FXYD7: variants seen among roughly 807,000 people sequenced by gnomAD.
FXYD7 encodes FXYD domain-containing ion transport regulator 7.
FXYD7 carries 7 observed loss-of-function variants against 15.3 expected under a neutral mutation model. The observed-to-expected ratio is 0.46, with a 90% CI of 0.26 to 0.86. The LOEUF (loss-of-function observed/expected upper bound fraction) is 0.86. Among genes scored for constraint, FXYD7 ranks in the 40% least tolerant of loss-of-function variants. The pLI is 0.16. For synonymous variants in FXYD7, 39 were observed against 39.3 expected (o/e 0.99, Z 0.03); for missense variants, 78 against 100.6 (o/e 0.78, Z 0.96).
chr19:35,143,274 C>T lies in FXYD7; in HGVS notation c.-60C>T. 7.1e-7 allele frequency: 1 copy of T among 1,409,272 alleles called. No individual in the cohort carries two copies. Among genetic ancestry groups the T allele is most frequent in the Non-Finnish European group, 9.7e-7 (1 of 1,027,082 alleles). The allele number at this position is 1,409,272 out of a possible 1,614,324, so 87.3% of individuals were successfully genotyped here. On this transcript the variant is annotated 5_prime_UTR_variant, in exon 1 of 6. Transcript: ENST00000270310. The surrounding 1 kb of genome is among the most constrained non-coding windows in gnomAD (Gnocchi z 4.3). ...CCCCCACATCGGTCCGTCCTGCTTC[C>T]AGCTGCTGCAGCGCGCCTTCGCCGC...
intron 1 of FXYD7, among the ~76,000 whole-genome samples, chr19:35,148,164 A>G (rs2065297490): frequency 6.6e-6 from 1 of 152,162 alleles, no homozygotes; most frequent in Non-Finnish European, 1.5e-5. Context: ...AATGTGGGGT[A>G]TGAATCAGCA....
At position 35,153,905 on chromosome 19, in the gene FXYD7, G is replaced by C; in HGVS notation, c.232G>C (p.Gly78Arg). Residue 78 changes from glycine (G) to arginine (R), a missense_variant, in exon 6 of 6, where the codon GGC (glycine) becomes CGC (arginine). Physicochemically the swap from Gly to Arg is moderately radical, Grantham distance 125 (BLOSUM62 -2). Transcript: ENST00000270310. ...CCCTCTCTCCCCAGCCCCTGGTGGC[G>C]GCGGCGTGTAACACCTTCCCGAGGA... ...SELPSSAPGGGGV is the reference protein window; with the variant it reads ...SELPSSAPGGRGV 6.2e-7 allele frequency: 1 copy of C among 1,612,734 alleles called. No homozygotes were observed. Among genetic ancestry groups the C allele is most frequent in the Non-Finnish European group, 8.5e-7 (1 of 1,179,266 alleles).
chr19:35,152,134 C>CAAAAAAAAAAAAAAAAAAAAA (rs71167517), intron 5 of FXYD7, among the ~76,000 whole-genome samples: 6 of 45,134 alleles, frequency 1.3e-4, no homozygotes, highest in African/African-American at 3.5e-4. Flanking sequence ...GTGAGACTGT[C>CAAAAAAAAAAAAAAAAAAAAA]AAAAAAAAAA....
chr19:35,152,432 C>T (rs933127266), intron 5 of FXYD7, among the ~76,000 whole-genome samples: 29 of 148,416 alleles, frequency 2.0e-4, no homozygotes, highest in African/African-American at 6.8e-4. Context: ...CAGACTTGAT[C>T]GTTCAGCCAG....
intron 2 of FXYD7, among the ~76,000 whole-genome samples, chr19:35,150,002 C>T (rs1215943363): frequency 6.6e-6 from 1 of 152,036 alleles, no homozygotes; most frequent in South Asian, 2.1e-4. Flanking sequence ...CTGCAACTCC[C>T]GCCTCCCAGG....
intron 2 of FXYD7, among the ~76,000 whole-genome samples, chr19:35,149,860 T>A (rs10164394): frequency 6.6e-6 from 1 of 152,020 alleles, no homozygotes; most frequent in Non-Finnish European, 1.5e-5. Context: ...TTTGGGAGGC[T>A]GAGGCAGGAG....
intron 5 of FXYD7, 48 bp downstream of exon 5, chr19:35,151,721 G>C (rs772263936): frequency 6.9e-7 from 1 of 1,449,062 alleles, no homozygotes. Flanking sequence ...AGGTGGGGCA[G>C]GGAAGGGAAC....
rs899205396 is a variant in FXYD7, at chr19:35,143,519, C to G, written c.31+155C>G. Among the ~76,000 whole-genome samples, 1 of 152,238 alleles carries G rather than the reference C, an allele frequency of 6.6e-6. No homozygotes were observed. Among genetic ancestry groups the G allele is most frequent in the African/African-American group, 2.4e-5 (1 of 41,466 alleles). On this transcript the variant is annotated intron_variant, in intron 1 of 5. Transcript: ENST00000270310. The surrounding 1 kb of genome is among the most constrained non-coding windows in gnomAD (Gnocchi z 4.3). ...GCGGAAGCCCCTGTAATGCGCCCCCCCGATCGCCCCTCCGGGTCTCTGGGA... is the reference window on the plus strand; with the variant it reads ...GCGGAAGCCCCTGTAATGCGCCCCCGCGATCGCCCCTCCGGGTCTCTGGGA...
At position 35,143,581 on chromosome 19, in the gene FXYD7, C is replaced by T. The variant is rs2065277645; in HGVS notation, c.31+217C>T. On this transcript the variant is annotated intron_variant, in intron 1 of 5. Transcript: ENST00000270310. The surrounding 1 kb of genome is among the most constrained non-coding windows in gnomAD (Gnocchi z 4.3). ...CGGCAGGCGTCCTGTGCCAGACCTG[C>T]GGTTGGAGAGTGGCAGTCCCGGGAG... Among the ~76,000 whole-genome samples, 1 of 152,106 alleles carries T rather than the reference C, an allele frequency of 6.6e-6. No individual in the cohort carries two copies. Among genetic ancestry groups the T allele is most frequent in the African/African-American group, 2.4e-5 (1 of 41,448 alleles).
In FXYD7 at chr19:35,154,034, A is replaced by G; in HGVS notation, c.*118A>G. 1.1e-6 allele frequency: 1 copy of G among 893,096 alleles called. No homozygotes were observed. Among genetic ancestry groups the G allele is most frequent in the South Asian group, 1.5e-5 (1 of 68,400 alleles). The allele number at this position is 893,096 out of a possible 1,614,324, so 55.3% of individuals were successfully genotyped here. On this transcript the variant is annotated 3_prime_UTR_variant, in exon 6 of 6. Transcript: ENST00000270310. The stretch of plus-strand genomic sequence containing the variant: ...AGCGCTCCCCGGAATGAGCCGCCCC[A>G]CCCACCCCAAGGCTGGAGCCGCTGC...
At chr19:35,152,525 AAGAG>A (rs759358082) in intron 5 of FXYD7, among the ~76,000 whole-genome samples, 4 of 152,152 alleles carry the variant, frequency 2.6e-5, no homozygotes, top group Non-Finnish European at 2.9e-5. Context: ...AAATAACAAA[AAGAG>A]AGATGAATAG....
At chr19:35,149,375 C>T in intron 2 of FXYD7, 1 of 282,580 alleles carries the variant, frequency 3.5e-6, no homozygotes, top group Non-Finnish European at 7.1e-6. Flanking sequence ...CTCCTTTGTA[C>T]ACGACCGGCT....
chr19:35,152,483 G>A (rs2065314956), intron 5 of FXYD7, among the ~76,000 whole-genome samples: 1 of 152,170 alleles, frequency 6.6e-6, no homozygotes, highest in Admixed American at 6.6e-5. Flanking sequence ...GGGACAGAGG[G>A]AGGGAGGGAA....
At chr19:35,150,693 G>A (rs571407092) in intron 2 of FXYD7, among the ~76,000 whole-genome samples, 1 of 152,190 alleles carries the variant, frequency 6.6e-6, no homozygotes, top group Non-Finnish European at 1.5e-5. Flanking sequence ...ACTGTGGCTG[G>A]AGTAGGATTG....
In FXYD7 at chr19:35,143,364, G is replaced by A; in HGVS notation, c.31G>A (p.Ala11Thr). Reference sequence around the variant, plus strand: ...GACCCCGACCCAGACCCCCACAAAGGGTGAGCGTCGTTTGGGGAGGGGGTT... The same window carrying A: ...GACCCCGACCCAGACCCCCACAAAGAGTGAGCGTCGTTTGGGGAGGGGGTT... MATPTQTPTK[A>T]PEEPDPFYYD... Residue 11 changes from alanine to threonine, a missense_variant and splice_region_variant, in exon 1 of 6, where the codon GCT becomes ACT. By Grantham distance (58) the Ala-to-Thr change is moderately conservative. Transcript: ENST00000270310. This position sits in a 1 kb window ranked among gnomAD's most constrained non-coding sequence, Gnocchi z 4.3. 1.3e-6 allele frequency: 2 copies of A among 1,516,792 alleles called. No homozygotes were observed. The highest frequency in any genetic ancestry group is 1.8e-6 in the Non-Finnish European group (2 of 1,134,340). The allele number at this position is 1,516,792 out of a possible 1,614,324, so 94.0% of individuals were successfully genotyped here.
chr19:35,143,504 C>A lies in FXYD7; in HGVS notation c.31+140C>A. 1.5e-6 allele frequency: 1 copy of A among 655,516 alleles called. No individual in the cohort carries two copies. The highest frequency in any genetic ancestry group is 2.4e-6 in the Non-Finnish European group (1 of 419,078). The allele number at this position is 655,516 out of a possible 1,614,324, so 40.6% of individuals were successfully genotyped here. ...CCGCTCCTCCTGTGGGCGGAAGCCC[C>A]TGTAATGCGCCCCCCCGATCGCCCC... On this transcript the variant is annotated intron_variant, in intron 1 of 5. Coordinates refer to ENST00000270310, the MANE Select transcript of FXYD7 (RefSeq NM_022006.2). The surrounding 1 kb of genome is among the most constrained non-coding windows in gnomAD (Gnocchi z 4.3).
At position 35,151,306 on chromosome 19, in the gene FXYD7, G is replaced by A. The variant is rs2065308836; in HGVS notation, c.114G>A (p.Leu38=). Residue 38 remains leucine (L), a synonymous_variant, in exon 3 of 6, where the codon CTG becomes CTA. Transcript: ENST00000270310. ...VGMTLATILF[L]LGILIVISKK... The stretch of plus-strand genomic sequence containing the variant: ...TGACTCTGGCAACCATCTTGTTCCT[G>A]CTGGGTATCCTCATCGTCATCAGTA... 2 of 1,609,622 alleles carry A rather than the reference G, an allele frequency of 1.2e-6. No individual in the cohort carries two copies. The highest frequency in any genetic ancestry group is 1.3e-5 in the African/African-American group (1 of 74,912).
At chr19:35,144,502 G>T (rs1344800100) in intron 1 of FXYD7, among the ~76,000 whole-genome samples, 2 of 152,212 alleles carry the variant, frequency 1.3e-5, no homozygotes, top group African/African-American at 4.8e-5. Flanking sequence ...CCAGCACTGA[G>T]GGCAGGGGAC....
At chr19:35,153,033 C>CTTTTTTTTTTTTTTTTTTTTTTTT (rs954084904) in intron 5 of FXYD7, among the ~76,000 whole-genome samples, 2 of 44,138 alleles carry the variant, frequency 4.5e-5, no homozygotes, top group Non-Finnish European at 7.8e-5. Context: ...TTTCACGTTC[C>CTTTTTTTTTTTTTTTTTTTTTTTT]TTTTTTTTTT....
Sources: allele counts gnomAD v4.1 joint callset (sites outside exome capture counted in the v4.1 genomes callset), GRCh38; gene constraint gnomAD v4.1.1; non-coding constraint Gnocchi (gnomAD v3.1); transcripts MANE v1.5; gene names NCBI Gene and HGNC (gene_info 2026-07-23, HGNC 2026-07-21).